FCRL4: variants seen among roughly 807,000 people sequenced by gnomAD.
FCRL4 encodes the protein Fc receptor like 4.
FCRL4 carries 43 observed loss-of-function variants against 64.1 expected under a neutral mutation model. That is an observed-to-expected ratio of 0.67 (90% CI 0.53 to 0.87). The LOEUF is 0.87. Among genes scored for constraint, FCRL4 ranks in the 40% least tolerant of loss-of-function variants. FCRL4 has a pLI of 0.00. For synonymous variants in FCRL4, 253 were observed against 239.8 expected (o/e 1.05, Z -0.51); for missense variants, 656 against 613.5 (o/e 1.07, Z -0.73).
Position 157,587,564 on chromosome 1 carries a change from G to T in FCRL4, c.563-4C>A. 1 of 1,612,206 alleles carries T rather than the reference G, an allele frequency of 6.2e-7. No individual in the cohort carries two copies. The highest frequency in any genetic ancestry group is 1.3e-5 in the African/African-American group (1 of 75,036). ...AGCTCTGGATGTGGAAATAGTTCTA[G>T]AGAGAAGAGGTAAGTCAAGTTCTGA... On this transcript the variant is annotated splice_region_variant and splice_polypyrimidine_tract_variant and intron_variant, in intron 4 of 11. Coordinates refer to ENST00000271532, the MANE Select transcript of FCRL4 (RefSeq NM_031282.3).
chr1:157,575,556 C>T lies in FCRL4; in HGVS notation c.1516G>A (p.Gly506Arg). ...VKTQHPDNSA[G>R]KISSKDEES ...TCTTCATCCTTAGAGCTGATCTTTC[C>T]AGCTGAGTTATCTGGGTGTTGTGTC... is the stretch of plus-strand genomic sequence containing the variant. The change falls in exon 12 of 12, where the codon GGA becomes AGA. Residue 506 changes from glycine to arginine, a missense_variant. Gly to Arg is a moderately radical substitution (Grantham distance 125, BLOSUM62 -2). Coordinates refer to ENST00000271532, the MANE Select transcript of FCRL4 (RefSeq NM_031282.3). 1.9e-6 allele frequency: 3 copies of T among 1,613,784 alleles called. No individual in the cohort carries two copies. The highest frequency in any genetic ancestry group is 2.5e-6 in the Non-Finnish European group (3 of 1,179,802).
Position 157,596,359 on chromosome 1 carries a change from G to C in FCRL4, c.32-11C>G, listed in dbSNP as rs1342847686. On this transcript the variant is annotated splice_polypyrimidine_tract_variant and intron_variant, in intron 1 of 11. Coordinates refer to ENST00000271532, the MANE Select transcript of FCRL4 (RefSeq NM_031282.3). ...GTCCACAGACTGGAGCTGAAAGAGAGTAAAGAGCCAGCCATCAGCGTAGGC... is the reference window on the plus strand; with the variant it reads ...GTCCACAGACTGGAGCTGAAAGAGACTAAAGAGCCAGCCATCAGCGTAGGC... 6.8e-6 allele frequency: 11 copies of C among 1,613,832 alleles called. No individual in the cohort carries two copies. Among genetic ancestry groups the C allele is most frequent in the Non-Finnish European group, 1.7e-6 (2 of 1,179,920 alleles).
chr1:157,582,590 T>C (rs1031871984), intron 6 of FCRL4, among the ~76,000 whole-genome samples: 1 of 152,178 alleles, frequency 6.6e-6, no homozygotes, highest in African/African-American at 2.4e-5. Context: ...AACATGCAGG[T>C]AGTAGAACAA....
At chr1:157,588,756 C>T (rs1030876090) in intron 3 of FCRL4, among the ~76,000 whole-genome samples, 4 of 152,248 alleles carry the variant, frequency 2.6e-5, no homozygotes, top group Admixed American at 2.6e-4. Context: ...GAGCTTGATG[C>T]CAATCAGAGG....
chr1:157,596,367 C>G lies in FCRL4; in HGVS notation c.32-19G>C. The G allele has an allele frequency of 1.2e-6, 2 of 1,613,790 alleles. No homozygotes were observed. The highest frequency in any genetic ancestry group is 1.1e-5 in the South Asian group (1 of 91,042). ...ACTGGAGCTGAAAGAGAGTAAAGAG[C>G]CAGCCATCAGCGTAGGCGAAGAGTC... On this transcript the variant is annotated intron_variant, in intron 1 of 11. Coordinates refer to ENST00000271532, the MANE Select transcript of FCRL4 (RefSeq NM_031282.3).
intron 1 of FCRL4, among the ~76,000 whole-genome samples, chr1:157,597,264 T>C (rs1392580197): frequency 1.3e-5 from 2 of 152,160 alleles, no homozygotes; most frequent in Non-Finnish European, 2.9e-5. Context: ...CTTCCCTTAG[T>C]TGGGGTCTGG....
At chr1:157,593,558 A>G (rs1652885790) in intron 2 of FCRL4, among the ~76,000 whole-genome samples, 1 of 152,194 alleles carries the variant, frequency 6.6e-6, no homozygotes, top group South Asian at 2.1e-4. Context: ...TCTTGAAAAC[A>G]TGTATGCATG....
At chr1:157,577,272 G>A (rs1198087376) in intron 10 of FCRL4, among the ~76,000 whole-genome samples, 1 of 152,186 alleles carries the variant, frequency 6.6e-6, no homozygotes, top group Admixed American at 6.5e-5. Context: ...TGATTTCCCT[G>A]ATACTGGGAT....
At chr1:157,585,344 C>CTTTCTTTCTTTCTTTCTTTCTT (rs72007539) in intron 6 of FCRL4, among the ~76,000 whole-genome samples, 4 of 81,276 alleles carry the variant, frequency 4.9e-5, no homozygotes, top group Non-Finnish European at 7.9e-5. Context: ...CTTTCTCTCT[C>CTTTCTTTCTTTCTTTCTTTCTT]TCTTTCTTTC....
chr1:157,583,620 A>C (rs896556310), intron 6 of FCRL4, among the ~76,000 whole-genome samples: 9 of 152,132 alleles, frequency 5.9e-5, no homozygotes, highest in African/African-American at 2.2e-4. Context: ...CCAGAAAGAG[A>C]GCCCTCACAA....
In FCRL4 at chr1:157,575,698, C is replaced by T; in HGVS notation, c.1461+1G>A. On this transcript the variant is annotated splice_donor_variant, in intron 11 of 11. Transcript: ENST00000271532. LOFTEE classifies it high-confidence loss of function. ...TAAAACTGTGGGGAAATGAAACTCA[C>T]CTTATCCTCTAGAAGTGTCCTGGAG... The T allele has an allele frequency of 6.2e-7, 1 of 1,613,834 alleles. No homozygotes were observed. The highest frequency in any genetic ancestry group is 2.2e-5 in the East Asian group (1 of 44,878).
intron 10 of FCRL4, among the ~76,000 whole-genome samples, chr1:157,575,969 C>G (rs1450876056): frequency 6.6e-6 from 1 of 152,196 alleles, no homozygotes; most frequent in African/African-American, 2.4e-5. Flanking sequence ...CAATACCACA[C>G]TAAGAAACCT....
chr1:157,577,454 C>T (rs1042789101), intron 10 of FCRL4, among the ~76,000 whole-genome samples: 6 of 152,132 alleles, frequency 3.9e-5, no homozygotes, highest in South Asian at 2.1e-4. Flanking sequence ...GTGGCCAAAA[C>T]GGACTAACAG....
In FCRL4 at chr1:157,587,495, G is replaced by T. The variant is rs1339043433; in HGVS notation, c.628C>A (p.Leu210Met). 1 of 1,614,166 alleles carries T rather than the reference G, an allele frequency of 6.2e-7. No homozygotes were observed. The highest frequency in any genetic ancestry group is 2.2e-5 in the East Asian group (1 of 44,892). The change falls in exon 5 of 12, where the codon CTG becomes ATG. Residue 210 changes from leucine (L) to methionine (M), a missense_variant. Coordinates refer to ENST00000271532, the MANE Select transcript of FCRL4 (RefSeq NM_031282.3). ...SQPTEGNSVN[L>M]SCETQLPPER... ...GGAGGAAGCTGTGTTTCACAGCTCAGGTTTACAGAATTCCCCTCTGTAGGC... is the reference window on the plus strand; with the variant it reads ...GGAGGAAGCTGTGTTTCACAGCTCATGTTTACAGAATTCCCCTCTGTAGGC...
At chr1:157,576,642 G>T (rs1007603257) in intron 10 of FCRL4, among the ~76,000 whole-genome samples, 3 of 152,158 alleles carry the variant, frequency 2.0e-5, no homozygotes, top group Non-Finnish European at 2.9e-5. Flanking sequence ...ATGAAGAAAA[G>T]CAAAATTATC....
Position 157,586,341 on chromosome 1 carries a change from A to T in FCRL4, c.962T>A (p.Phe321Tyr). 6.2e-7 allele frequency: 1 copy of T among 1,613,262 alleles called. No homozygotes were observed. The highest frequency in any genetic ancestry group is 8.5e-7 in the Non-Finnish European group (1 of 1,179,838). The change falls in exon 6 of 12, where the codon TTC becomes TAC. Residue 321 changes from phenylalanine to tyrosine, a missense_variant. By Grantham distance (22) the Phe-to-Tyr change is conservative. Coordinates refer to ENST00000271532, the MANE Select transcript of FCRL4 (RefSeq NM_031282.3). ...CTGCATGTCCTCTCGGTGCCAGGAG[A>T]ATGTGGTATCCCCTGTGCCTTCAGC... ...SVAEGTGDTT[F>Y]SWHREDMQES...
chr1:157,580,474 G>A lies in FCRL4; in HGVS notation c.1250-126C>T, dbSNP rs908390357. The A allele has an allele frequency of 2.0e-5, 20 of 990,564 alleles. No homozygotes were observed. The African/African-American group carries it at 2.7e-4, about 14-fold the overall frequency. 61.4% of individuals were successfully genotyped at this position (990,564 alleles called of 1,614,324 possible). The stretch of plus-strand genomic sequence containing the variant: ...AATTCAAACACCTGCCCAGTCCTGG[G>A]TTTTCATGAAAATGAGGTGAAAAAA... On this transcript the variant is annotated intron_variant, in intron 7 of 11. Coordinates refer to ENST00000271532, the MANE Select transcript of FCRL4 (RefSeq NM_031282.3).
intron 4 of FCRL4, 81 bp downstream of exon 4, chr1:157,587,784 A>G: frequency 2.2e-6 from 3 of 1,381,416 alleles, no homozygotes; most frequent in Non-Finnish European, 3.0e-6. Flanking sequence ...TTTCAATAGT[A>G]ACCCGTAAAT....
chr1:157,579,798 C>T (rs1652520770), intron 8 of FCRL4, among the ~76,000 whole-genome samples: 1 of 152,130 alleles, frequency 6.6e-6, no homozygotes, highest in African/African-American at 2.4e-5. Context: ...AGGAATTAGA[C>T]ATAATCCACA....
Sources: gnomAD v4.1 joint callset for allele counts (sites outside exome capture counted in the v4.1 genomes callset) on GRCh38, gnomAD v4.1.1 for gene constraint, MANE v1.5 for transcripts, NCBI Gene and HGNC (gene_info 2026-07-23, HGNC 2026-07-21) for gene names.